SGK3: variants seen among roughly 807,000 people sequenced by gnomAD.
SGK3 encodes serum/glucocorticoid regulated kinase family member 3.
In SGK3, 47 loss-of-function variants were observed where a neutral mutation model predicts 68.5. That is an observed-to-expected ratio of 0.69 (90% confidence interval 0.54 to 0.87). SGK3 has a LOEUF of 0.87. Ranked by LOEUF, SGK3 falls within the 40% of genes least tolerant of loss-of-function variation. SGK3 has a pLI of 0.00. For missense variants in SGK3, 479 were observed against 575.5 expected (o/e 0.83, Z 1.72); for synonymous variants, 181 against 189.1 (o/e 0.96, Z 0.35).
At chr8:66,845,617 C>G (rs1809977013) in intron 14 of SGK3, among the ~76,000 whole-genome samples, 1 of 152,020 alleles carries the variant, frequency 6.6e-6, no homozygotes, top group Non-Finnish European at 1.5e-5. Context: ...CCTTGACTTC[C>G]CAGGCTCTGA....
chr8:66,748,742 A>G (rs1805720520), intron 1 of SGK3, among the ~76,000 whole-genome samples: 1 of 152,162 alleles, frequency 6.6e-6, no homozygotes, highest in African/African-American at 2.4e-5. Flanking sequence ...AATTTTGAAA[A>G]TTGCCTACAT....
chr8:66,818,864 T>C (rs150229183), intron 5 of SGK3, among the ~76,000 whole-genome samples: 51 of 152,372 alleles, frequency 3.3e-4, no homozygotes, highest in African/African-American at 1.1e-3. Context: ...ATAAATAATA[T>C]TGCCATTAGC....
Position 66,759,080 on chromosome 8 carries a change from C to CTTTT in SGK3, c.-121-34524_-121-34521dup, listed in dbSNP as rs752312636. 2.0e-3 allele frequency among the ~76,000 whole-genome samples: 285 copies of CTTTT among 140,412 alleles called. 8 individuals carry two copies. Among genetic ancestry groups the CTTTT allele is most frequent in the Middle Eastern group, 3.7e-3 (1 of 268 alleles). The allele number at this position is 140,412 out of a possible 152,430, so 92.1% of individuals were successfully genotyped here. ...CTTCTTTTTTCTTTTTTCTTTTCTT[C>CTTTT]TTTTTTTTTTTTTTTGAGACAGAGT... On this transcript the variant is annotated intron_variant, in intron 1 of 16. Coordinates refer to ENST00000521198, the MANE Select transcript of SGK3 (RefSeq NM_001033578.3).
chr8:66,754,854 A>T (rs947183563), intron 1 of SGK3, among the ~76,000 whole-genome samples: 18 of 152,266 alleles, frequency 1.2e-4, no homozygotes, highest in African/African-American at 4.3e-4. Context: ...ACACACATTA[A>T]CACTTAACAG....
At chr8:66,850,540 T>C (rs991325745) in intron 15 of SGK3, among the ~76,000 whole-genome samples, 4 of 152,226 alleles carry the variant, frequency 2.6e-5, no homozygotes, top group African/African-American at 9.6e-5. Context: ...CCTTAAAACA[T>C]ACTTCCCCTG....
chr8:66,850,886 A>G lies in SGK3; in HGVS notation c.1286A>G (p.Gln429Arg), dbSNP rs779637244. 2 of 1,611,866 alleles carry G rather than the reference A, an allele frequency of 1.2e-6. No individual in the cohort carries two copies. The highest frequency in any genetic ancestry group is 2.2e-5 in the East Asian group (1 of 44,828). ...FESLSWADLV[Q>R]KKIPPPFNPN... ...TCACTCAGCTGGGCTGACCTTGTAC[A>G]AAAGAAGATTCCACCACCATTTAAT... The change falls in exon 16 of 17, where the codon CAA (glutamine) becomes CGA (arginine). Residue 429 changes from glutamine to arginine, a missense_variant. Gln to Arg is a conservative substitution (Grantham distance 43, BLOSUM62 1). Around this residue, in one of 3 missense-constraint regions of SGK3, gnomAD observed 173 missense variants for 214.3 expected, o/e 0.81. Transcript: ENST00000521198.
At chr8:66,787,036 C>G (rs1029084322) in intron 1 of SGK3, among the ~76,000 whole-genome samples, 1 of 147,956 alleles carries the variant, frequency 6.8e-6, no homozygotes, top group South Asian at 2.2e-4. Context: ...CTCTTGTGTC[C>G]CAGTTCAAGC....
chr8:66,718,161 G>A (rs1258374094), intron 1 of SGK3, among the ~76,000 whole-genome samples: 3 of 151,812 alleles, frequency 2.0e-5, no homozygotes, highest in African/African-American at 7.3e-5. Flanking sequence ...AAGTAGCTGG[G>A]ACTACAGGCG....
At chr8:66,798,010 CT>C (rs71561301) in intron 2 of SGK3, among the ~76,000 whole-genome samples, 80 of 145,244 alleles carry the variant, frequency 5.5e-4, no homozygotes, top group Middle Eastern at 7.2e-3. Context: ...CAAGAAACCA[CT>C]TTTTTTTTTT....
In SGK3 at chr8:66,779,594, AT is replaced by A. The variant is rs1563623045; in HGVS notation, c.-121-14021del. ...TATATATATATATATATATATATAT[AT>A]ATATATAAAACACATTTTTTATATA... is the stretch of plus-strand genomic sequence containing the variant. On this transcript the variant is annotated intron_variant, in intron 1 of 16. Transcript: ENST00000521198. Among the ~76,000 whole-genome samples, 1,005 of 130,332 alleles carry A rather than the reference AT, an allele frequency of 7.7e-3. 7 individuals are homozygous for A. The highest frequency in any genetic ancestry group is 0.01 in the Non-Finnish European group (637 of 63,142). The allele number at this position is 130,332 out of a possible 152,430, so 85.5% of individuals were successfully genotyped here.
intron 1 of SGK3, among the ~76,000 whole-genome samples, chr8:66,749,935 GT>G (rs1210870750): frequency 2.7e-5 from 3 of 112,212 alleles, no homozygotes; most frequent in African/African-American, 7.4e-5. Flanking sequence ...TTTCTAGGGT[GT>G]GTGTGTGTGT....
Position 66,793,727 on chromosome 8 carries a change from G to A in SGK3, c.-10G>A. The stretch of plus-strand genomic sequence containing the variant: ...CGGATGCATTTTTTGGTGTGCTCTT[G>A]AGGGATTAAATGCAAAGAGATCACA... On this transcript the variant is annotated 5_prime_UTR_variant, in exon 2 of 17. An upstream open reading frame in the 5' UTR loses its in-frame stop. Coordinates refer to ENST00000521198, the MANE Select transcript of SGK3 (RefSeq NM_001033578.3). 6.2e-7 allele frequency: 1 copy of A among 1,611,574 alleles called. No homozygotes were observed. Among genetic ancestry groups the A allele is most frequent in the Non-Finnish European group, 8.5e-7 (1 of 1,178,648 alleles).
At chr8:66,722,439 C>T (rs192055767) in intron 1 of SGK3, among the ~76,000 whole-genome samples, 8 of 152,232 alleles carry the variant, frequency 5.3e-5, no homozygotes, top group South Asian at 2.1e-4. Flanking sequence ...TTTGCCACCA[C>T]GCCTGGCTAA....
intron 1 of SGK3, among the ~76,000 whole-genome samples, chr8:66,740,425 A>G (rs1200360949): frequency 1.3e-5 from 2 of 152,142 alleles, no homozygotes; most frequent in Non-Finnish European, 2.9e-5. Flanking sequence ...AGTCTCAGCA[A>G]TTTTTATCCA....
intron 4 of SGK3, among the ~76,000 whole-genome samples, chr8:66,808,790 G>A (rs1808265376): frequency 6.6e-6 from 1 of 150,904 alleles, no homozygotes. Flanking sequence ...GTGATTACAG[G>A]CGTGAGCCAC....
chr8:66,770,240 C>A (rs1203416974), intron 1 of SGK3, among the ~76,000 whole-genome samples: 3 of 152,212 alleles, frequency 2.0e-5, no homozygotes, highest in Admixed American at 2.0e-4. Context: ...AGGCGTGAGC[C>A]ACCGTGCCCG....
intron 1 of SGK3, among the ~76,000 whole-genome samples, chr8:66,741,350 G>A (rs1490836912): frequency 1.3e-5 from 2 of 152,066 alleles, no homozygotes; most frequent in Non-Finnish European, 2.9e-5. Context: ...AGGAGTTTGA[G>A]ACCAGCCTGA....
chr8:66,754,682 T>C lies in SGK3; in HGVS notation c.-121-38934T>C, dbSNP rs762768953. On this transcript the variant is annotated intron_variant, in intron 1 of 16. Coordinates refer to ENST00000521198, the MANE Select transcript of SGK3 (RefSeq NM_001033578.3). Reference sequence around the variant, plus strand: ...AAGTAATTCTGTACATGGAACAAAATTTGTATGCATTGAACTATCAGAAAG... The same window carrying C: ...AAGTAATTCTGTACATGGAACAAAACTTGTATGCATTGAACTATCAGAAAG... Among the ~76,000 whole-genome samples, 202 of 152,216 alleles carry C rather than the reference T, an allele frequency of 1.3e-3. 1 individual carries two copies. The highest frequency in any genetic ancestry group is 7.2e-4 in the Non-Finnish European group (49 of 68,038).
intron 1 of SGK3, among the ~76,000 whole-genome samples, chr8:66,762,788 T>A (rs1267967792): frequency 6.6e-6 from 1 of 152,214 alleles, no homozygotes; most frequent in Non-Finnish European, 1.5e-5. Flanking sequence ...AGAAACCAGG[T>A]CATTTAGCCT....
Sources: allele counts gnomAD v4.1 joint callset (sites outside exome capture counted in the v4.1 genomes callset), GRCh38; gene constraint gnomAD v4.1.1; regional missense constraint gnomAD v4.1.1; transcripts MANE v1.5; gene names NCBI Gene and HGNC (gene_info 2026-07-23, HGNC 2026-07-21).